The following PDCL3 variants were observed in gnomAD, a reference collection of about 807,000 sequenced individuals.
The protein encoded by PDCL3 is phosducin like 3.
In PDCL3, 22 loss-of-function variants were observed where a neutral mutation model predicts 26.5. The ratio of observed to expected loss-of-function variants is 0.83; its 90% CI spans 0.59 to 1.19. The LOEUF is 1.19. Ranked by LOEUF, PDCL3 falls within the 50% of genes most tolerant of loss-of-function variation. The probability of loss-of-function intolerance (pLI) is 0.00; values close to 1 mark genes in which losing one functional copy is unlikely to be tolerated. For synonymous variants in PDCL3, 81 were observed against 104.9 expected, an observed-to-expected ratio of 0.77 and a Z score of 1.39; for missense variants, 246 against 294.1, an observed-to-expected ratio of 0.84 and a Z score of 1.20.
At position 100,573,723 on chromosome 2, in the gene PDCL3, A is replaced by G. The variant is rs1192954630; in HGVS notation, c.577+1925A>G. On this transcript the variant is annotated intron_variant, in intron 5 of 5. Coordinates refer to ENST00000264254, the MANE Select transcript of PDCL3 (RefSeq NM_024065.5). ...CTGGGGAAAGTATAAATATACAAAC[A>G]TACATAAACACACACATATAGGAGA... Among the ~76,000 whole-genome samples the G allele has an allele frequency of 1.2e-4, 19 of 152,112 alleles. No individual in the cohort carries two copies. The East Asian group carries it at 3.7e-3, about 29-fold the overall frequency.
rs1435557045 is a variant in PDCL3 at position 100,571,570 on chromosome 2, T to A, written c.369-20T>A. On this transcript the variant is annotated intron_variant, in intron 4 of 5. Transcript: ENST00000264254. ...AATGTAGGATCATAATTGCTTCTGT[T>A]TTCTATGTGTGTTTTATAGAATTCC... The A allele has an allele frequency of 3.7e-6, 6 of 1,608,616 alleles. No homozygotes were observed. In the Admixed American group the frequency reaches 1.0e-4, roughly 27 times the overall value.
At chr2:100,571,516 A>G in intron 4 of PDCL3, 74 bp from the exon 5 acceptor site, 1 of 1,326,562 alleles carries the variant, frequency 7.5e-7, no homozygotes, top group Non-Finnish European at 1.1e-6. Flanking sequence ...TACTTAGGGT[A>G]GAAGGGTCAT....
chr2:100,565,593 C>G (rs147087640), intron 1 of PDCL3, among the ~76,000 whole-genome samples: 1 of 151,770 alleles, frequency 6.6e-6, no homozygotes, highest in Admixed American at 6.6e-5. Context: ...ATTTGTAAGC[C>G]CCCAGACTCC....
At chr2:100,568,391 C>T (rs1001219402) in intron 2 of PDCL3, among the ~76,000 whole-genome samples, 2 of 128,212 alleles carry the variant, frequency 1.6e-5, no homozygotes, top group South Asian at 3.0e-4. Context: ...GTAATCCCAG[C>T]ACTTTGAGAT....
At position 100,568,720 on chromosome 2, in the gene PDCL3, C is replaced by T. The variant is rs964292328; in HGVS notation, c.134-211C>T. The stretch of plus-strand genomic sequence containing the variant: ...TCTGAGGGCTTGGGTAAAATGTTGT[C>T]AGTCAATAAATTGGGATTACAGGTG... On this transcript the variant is annotated intron_variant, in intron 2 of 5. Transcript: ENST00000264254. Among the ~76,000 whole-genome samples, 8 of 152,050 alleles carry T rather than the reference C, an allele frequency of 5.3e-5. No individual in the cohort carries two copies. In the South Asian group the frequency reaches 1.0e-3, roughly 20 times the overall value.
chr2:100,568,866 A>C, intron 2 of PDCL3, 65 bp from the exon 3 acceptor site: 3 of 1,375,332 alleles, frequency 2.2e-6, no homozygotes, highest in Non-Finnish European at 3.1e-6. Flanking sequence ...AGAGGGGAAA[A>C]AAGAAAAATA....
intron 4 of PDCL3, 50 bp from the exon 5 acceptor site, chr2:100,571,540 G>A: frequency 6.4e-7 from 1 of 1,551,494 alleles, no homozygotes; most frequent in Non-Finnish European, 8.8e-7. Context: ...GCTTTGTTCT[G>A]TATAAATGTA....
chr2:100,566,346 C>T (rs780386603), intron 1 of PDCL3, among the ~76,000 whole-genome samples, 157 bp from the exon 2 acceptor site: 5 of 152,126 alleles, frequency 3.3e-5, no homozygotes, highest in Admixed American at 6.6e-5. Flanking sequence ...AAAAACAAAA[C>T]GGGGGCTATG....
intron 5 of PDCL3, among the ~76,000 whole-genome samples, chr2:100,572,883 G>T (rs1675206816): frequency 6.6e-6 from 1 of 151,738 alleles, no homozygotes; most frequent in African/African-American, 2.4e-5. Flanking sequence ...TGTGGTTTTT[G>T]TTTGATTGTT....
chr2:100,573,688 A>AG (rs1675224010), intron 5 of PDCL3, among the ~76,000 whole-genome samples: 2 of 150,134 alleles, frequency 1.3e-5, no homozygotes, highest in African/African-American at 4.9e-5. Context: ...AAAAAAAAAA[A>AG]GATATTCAGC....
intron 5 of PDCL3, among the ~76,000 whole-genome samples, chr2:100,574,672 C>G (rs188034141): frequency 1.3e-5 from 2 of 152,334 alleles, no homozygotes; most frequent in East Asian, 3.9e-4. Flanking sequence ...ACTGTAGTTA[C>G]CATGTTCTAC....
chr2:100,575,351 G>T (rs536311862), intron 5 of PDCL3, among the ~76,000 whole-genome samples: 14 of 152,240 alleles, frequency 9.2e-5, no homozygotes, highest in South Asian at 8.3e-4. Flanking sequence ...TAGCCAGGAT[G>T]GTCTCGATCT....
chr2:100,570,067 G>A (rs1049028309), intron 4 of PDCL3, among the ~76,000 whole-genome samples: 9 of 152,154 alleles, frequency 5.9e-5, no homozygotes, highest in African/African-American at 1.7e-4. Context: ...CCGAGATTGC[G>A]CCACTGCACT....
intron 5 of PDCL3, among the ~76,000 whole-genome samples, chr2:100,575,395 A>G (rs1220541059): frequency 6.6e-6 from 1 of 152,172 alleles, no homozygotes; most frequent in Non-Finnish European, 1.5e-5. Context: ...TTGGCCTCCC[A>G]AAGTGCTGGG....
chr2:100,574,175 T>C (rs113677388), intron 5 of PDCL3, among the ~76,000 whole-genome samples: 69 of 152,180 alleles, frequency 4.5e-4, no homozygotes, highest in African/African-American at 1.6e-3. Context: ...GGCTAAGTTT[T>C]GTATTTTTAG....
intron 2 of PDCL3, 148 bp from the exon 3 acceptor site, chr2:100,568,781 AGT>A: frequency 1.6e-6 from 1 of 634,014 alleles, no homozygotes; most frequent in Non-Finnish European, 2.8e-6. Context: ...CTTCTAATGT[AGT>A]GTGGTGCCTT....
chr2:100,564,025 TGTC>T (rs1675011263), intron 1 of PDCL3, among the ~76,000 whole-genome samples: 1 of 150,558 alleles, frequency 6.6e-6, no homozygotes, highest in Admixed American at 6.6e-5. Context: ...CATCCTCCCT[TGTC>T]AGCCTCCGGA....
chr2:100,565,943 G>A (rs997450527), intron 1 of PDCL3, among the ~76,000 whole-genome samples: 12 of 151,952 alleles, frequency 7.9e-5, no homozygotes, highest in African/African-American at 2.2e-4. Context: ...TTGCTCTGTC[G>A]CCCAGGCTGG....
intron 2 of PDCL3, among the ~76,000 whole-genome samples, chr2:100,567,994 T>C (rs1212129004): frequency 6.6e-6 from 1 of 152,098 alleles, no homozygotes; most frequent in Non-Finnish European, 1.5e-5. Flanking sequence ...AGGTAATTTT[T>C]TGTAGCGATG....
Sources: allele counts gnomAD v4.1 joint callset (sites outside exome capture counted in the v4.1 genomes callset), GRCh38; gene constraint gnomAD v4.1.1; transcripts MANE v1.5; gene names NCBI Gene and HGNC (gene_info 2026-07-23, HGNC 2026-07-21).